The following PCDHGA8 variants were observed in gnomAD, a reference collection of about 807,000 sequenced individuals.
PCDHGA8 encodes protocadherin gamma-A8.
In PCDHGA8, 45 loss-of-function variants were observed where a neutral mutation model predicts 59.2. That is an observed-to-expected ratio of 0.76 (90% CI 0.60 to 0.98). PCDHGA8 has a LOEUF of 0.98. Ranked by LOEUF, PCDHGA8 falls within the 50% of genes least tolerant of loss-of-function variation. The pLI is 0.00. For missense variants in PCDHGA8, 1,257 were observed against 1,196.2 expected, an observed-to-expected ratio of 1.05 and a Z score of -0.75; for synonymous variants, 531 against 519.0, an observed-to-expected ratio of 1.02 and a Z score of -0.32.
intron 1 of PCDHGA8, among the ~76,000 whole-genome samples, chr5:141,426,005 G>A (rs189148799): frequency 4.1e-4 from 63 of 152,202 alleles, no homozygotes; most frequent in Admixed American, 2.1e-3. Flanking sequence ...AAAGGCTTCC[G>A]GCTGCAGTTT....
Position 141,486,817 on chromosome 5 carries a change from T to A in PCDHGA8, c.2425-7990T>A, listed in dbSNP as rs143638501. On this transcript the variant is annotated intron_variant, in intron 1 of 3. Transcript: ENST00000398604. The surrounding 1 kb of genome is among the most constrained non-coding windows in gnomAD (Gnocchi z 5.0). ...GGGGCAACCCACCCCTTAGCAGCAC[T>A]GTAACAGTTCGTCTATTTGTGCTGG... 1 of 1,614,102 alleles carries A rather than the reference T, an allele frequency of 6.2e-7. No homozygotes were observed. Among genetic ancestry groups the A allele is most frequent in the East Asian group, 2.2e-5 (1 of 44,898 alleles).
At position 141,402,613 on chromosome 5, in the gene PCDHGA8, A is replaced by G. The variant is rs145557523; in HGVS notation, c.2424+7376A>G. Among the ~76,000 whole-genome samples the G allele has an allele frequency of 3.8e-3, 581 of 152,376 alleles. 6 individuals are homozygous for G. Among genetic ancestry groups the G allele is most frequent in the Admixed American group, 0.011 (170 of 15,298 alleles). The stretch of plus-strand genomic sequence containing the variant: ...AGATTGCTTTTGAAATACAAATGCA[A>G]GAAACAATTGGAGAAATCTAAAATC... On this transcript the variant is annotated intron_variant, in intron 1 of 3. Coordinates refer to ENST00000398604, the MANE Select transcript of PCDHGA8 (RefSeq NM_032088.2).
At chr5:141,423,167 T>C in intron 1 of PCDHGA8, 1 of 1,613,424 alleles carries the variant, frequency 6.2e-7, no homozygotes, top group Non-Finnish European at 8.5e-7. Context: ...GTGGTGGCCG[T>C]CCAGGACCAC....
Position 141,476,570 on chromosome 5 carries a change from A to G in PCDHGA8, c.2425-18237A>G. ...GATTAGCGAGGCCGTGGCTCCGGGG[A>G]CGCGCTTTCCGCTCGAGAGCGCGCA... On this transcript the variant is annotated intron_variant, in intron 1 of 3. Transcript: ENST00000398604. The surrounding 1 kb of genome is among the most constrained non-coding windows in gnomAD (Gnocchi z 7.6). 3 of 1,614,114 alleles carry G rather than the reference A, an allele frequency of 1.9e-6. No individual in the cohort carries two copies. The highest frequency in any genetic ancestry group is 2.5e-6 in the Non-Finnish European group (3 of 1,180,012).
At chr5:141,414,957 G>A in intron 1 of PCDHGA8, 7 of 1,614,018 alleles carry the variant, frequency 4.3e-6, no homozygotes, top group Non-Finnish European at 3.4e-6. Flanking sequence ...TGGTGACCAA[G>A]GTGGTGGCGG....
At chr5:141,409,235 C>A (rs1471024804) in intron 1 of PCDHGA8, 1 of 1,613,832 alleles carries the variant, frequency 6.2e-7, no homozygotes, top group East Asian at 2.2e-5. Context: ...CGACAACAGC[C>A]CAGAAATAAT....
At chr5:141,478,598 A>C in intron 1 of PCDHGA8, 1 of 1,566,350 alleles carries the variant, frequency 6.4e-7, no homozygotes, top group South Asian at 1.2e-5. Flanking sequence ...TTATTCCTAC[A>C]TCATATTGAG....
At chr5:141,437,497 T>A (rs2097889891) in intron 1 of PCDHGA8, among the ~76,000 whole-genome samples, 1 of 152,190 alleles carries the variant, frequency 6.6e-6, no homozygotes, top group Non-Finnish European at 1.5e-5. Flanking sequence ...TAGATCACTT[T>A]TCAATGAATT....
intron 3 of PCDHGA8, among the ~76,000 whole-genome samples, chr5:141,509,781 T>TCATC (rs1198131164): frequency 6.6e-6 from 1 of 152,116 alleles, no homozygotes; most frequent in Non-Finnish European, 1.5e-5. Flanking sequence ...GTCCCCGAGA[T>TCATC]CATCATCTCC....
Position 141,490,958 on chromosome 5 carries a change from A to T in PCDHGA8, c.2425-3849A>T, listed in dbSNP as rs771797392. 4.6e-5 allele frequency: 74 copies of T among 1,613,610 alleles called. No individual in the cohort carries two copies. The highest frequency in any genetic ancestry group is 1.6e-4 in the Middle Eastern group (1 of 6,084). ...CTGCACCCACGGCCAGACTGGGAAC[A>T]CTCAGCCCCCCAGCGTCTCCCTCGC... On this transcript the variant is annotated intron_variant, in intron 1 of 3. Coordinates refer to ENST00000398604, the MANE Select transcript of PCDHGA8 (RefSeq NM_032088.2). This position sits in a 1 kb window ranked among gnomAD's most constrained non-coding sequence, Gnocchi z 5.4.
chr5:141,424,018 CACAA>C (rs909442976), intron 1 of PCDHGA8: 3 of 1,051,682 alleles, frequency 2.9e-6, no homozygotes, highest in South Asian at 4.6e-5. Context: ...ATTAATGATT[CACAA>C]ACACTTTTTA....
intron 1 of PCDHGA8, among the ~76,000 whole-genome samples, chr5:141,468,131 C>A (rs1006565854): frequency 1.3e-5 from 2 of 151,650 alleles, no homozygotes; most frequent in South Asian, 4.2e-4. Context: ...TTGAGACCAG[C>A]CTGGCCAACA....
At chr5:141,419,533 C>T in intron 1 of PCDHGA8, 1 of 1,612,106 alleles carries the variant, frequency 6.2e-7, no homozygotes, top group Non-Finnish European at 8.5e-7. Context: ...GTAACGACAA[C>T]GCACCGCGGG....
At position 141,489,503 on chromosome 5, in the gene PCDHGA8, A is replaced by T; in HGVS notation, c.2425-5304A>T. 1 of 1,614,092 alleles carries T rather than the reference A, an allele frequency of 6.2e-7. No homozygotes were observed. ...ATGAGTGGTGCCCTGGCAGTGAATC[A>T]AAAGATTGACCGAGAAAGCCTATGT... is the stretch of plus-strand genomic sequence containing the variant. On this transcript the variant is annotated intron_variant, in intron 1 of 3. Transcript: ENST00000398604. The surrounding 1 kb of genome is among the most constrained non-coding windows in gnomAD (Gnocchi z 4.5).
In PCDHGA8 at chr5:141,487,192, C is replaced by T. The variant is rs2099641028; in HGVS notation, c.2425-7615C>T. ...TAGAGGAAGACACTCATCCAGTTGT[C>T]CCAGATCTTCGAGAATCTTCAGCTC... On this transcript the variant is annotated intron_variant, in intron 1 of 3. Transcript: ENST00000398604. This position sits in a 1 kb window ranked among gnomAD's most constrained non-coding sequence, Gnocchi z 5.0. 15 of 1,613,748 alleles carry T rather than the reference C, an allele frequency of 9.3e-6. No individual in the cohort carries two copies. Among genetic ancestry groups the T allele is most frequent in the African/African-American group, 1.3e-5 (1 of 75,040 alleles).
chr5:141,422,359 G>A, intron 1 of PCDHGA8: 1 of 1,558,858 alleles, frequency 6.4e-7, no homozygotes, highest in Non-Finnish European at 8.6e-7. Flanking sequence ...TCAAGATTCT[G>A]GAGAAAATGG....
In PCDHGA8 at chr5:141,408,826, T is replaced by C. The variant is rs138252575; in HGVS notation, c.2424+13589T>C. ...TAGACCGGGAAGAACAGAGATCTCA[T>C]AGCTTGATATTGACTGCCTTGGACG... On this transcript the variant is annotated intron_variant, in intron 1 of 3. Coordinates refer to ENST00000398604, the MANE Select transcript of PCDHGA8 (RefSeq NM_032088.2). The C allele has an allele frequency of 6.1e-5, 98 of 1,613,582 alleles. No homozygotes were observed. The African/African-American group carries it at 9.9e-4, about 16-fold the overall frequency.
rs1214425261 is a variant in PCDHGA8 at position 141,485,865 on chromosome 5, C to G, written c.2425-8942C>G. On this transcript the variant is annotated intron_variant, in intron 1 of 3. Coordinates refer to ENST00000398604, the MANE Select transcript of PCDHGA8 (RefSeq NM_032088.2). This position sits in a 1 kb window ranked among gnomAD's most constrained non-coding sequence, Gnocchi z 5.7. The stretch of plus-strand genomic sequence containing the variant: ...TCTGGCACCGCAGAGCTCCGGGTAT[C>G]CGTGCTGGACGTAAACGACAACGCC... The G allele has an allele frequency of 1.2e-6, 2 of 1,614,182 alleles. No individual in the cohort carries two copies.
intron 1 of PCDHGA8, chr5:141,408,916 C>T (rs1379557230): frequency 6.8e-6 from 11 of 1,613,024 alleles, no homozygotes; most frequent in African/African-American, 2.7e-5. Flanking sequence ...CCAATGATAA[C>T]CCCCCGGTTT....
Sources: gnomAD v4.1 joint callset for allele counts (sites outside exome capture counted in the v4.1 genomes callset) on GRCh38, gnomAD v4.1.1 for gene constraint, Gnocchi (gnomAD v3.1) non-coding constraint, MANE v1.5 for transcripts, NCBI Gene and HGNC (gene_info 2026-07-23, HGNC 2026-07-21) for gene names.